ROBO2: variants seen among roughly 807,000 people sequenced by gnomAD.
ROBO2 encodes roundabout guidance receptor 2, also known as roundabout homolog 2.
A neutral mutation model predicts 160.8 loss-of-function variants in ROBO2; 53 were observed. The ratio of observed to expected loss-of-function variants is 0.33; its 90% CI spans 0.26 to 0.41. ROBO2 has a LOEUF of 0.41. Among genes scored for constraint, ROBO2 ranks in the 10% least tolerant of loss-of-function variants. The pLI, the probability that ROBO2 is intolerant of heterozygous loss-of-function variation, is 1.00. For synonymous variants in ROBO2, 664 were observed against 611.7 expected (o/e 1.09, Z -1.26); for missense variants, 1,577 against 1,722.4 (o/e 0.92, Z 1.49).
intron 1 of ROBO2, among the ~76,000 whole-genome samples, chr3:77,042,915 G>T (rs1193634084): frequency 6.6e-6 from 1 of 152,198 alleles, no homozygotes; most frequent in Non-Finnish European, 1.5e-5. Flanking sequence ...AGTTGACACT[G>T]AAAAGGCAAT....
intron 2 of ROBO2, among the ~76,000 whole-genome samples, chr3:77,459,238 T>A (rs183410940): frequency 5.4e-4 from 83 of 152,344 alleles, no homozygotes; most frequent in Admixed American, 4.6e-3. Flanking sequence ...TCCACAGTGA[T>A]ACCTTCAATG....
At chr3:76,492,059 A>G (rs13433982) in intron 2 of ROBO2, among the ~76,000 whole-genome samples, 40,256 of 151,988 alleles carry the variant, frequency 0.26, 6,479 homozygotes, top group African/African-American at 0.44. Context: ...AGAGGTTTCA[A>G]TGAGCTGAGA....
At chr3:76,833,964 T>C (rs1457889536) in intron 2 of ROBO2, among the ~76,000 whole-genome samples, 2 of 151,564 alleles carry the variant, frequency 1.3e-5, no homozygotes, top group Non-Finnish European at 2.9e-5. Context: ...CTTCCTTCCT[T>C]TCTTTCTCTT....
At chr3:76,346,988 A>G (rs958226864) in intron 2 of ROBO2, among the ~76,000 whole-genome samples, 2 of 152,178 alleles carry the variant, frequency 1.3e-5, no homozygotes, top group Non-Finnish European at 1.5e-5. Flanking sequence ...GGTTATGCCT[A>G]CATTGGAGCC....
chr3:76,384,169 T>C (rs1164520791), intron 2 of ROBO2, among the ~76,000 whole-genome samples: 1 of 152,242 alleles, frequency 6.6e-6, no homozygotes, highest in Non-Finnish European at 1.5e-5. Flanking sequence ...GTTGCACTGA[T>C]ACATTTTTTC....
At chr3:77,455,544 A>G (rs1489955726) in intron 2 of ROBO2, among the ~76,000 whole-genome samples, 2 of 152,004 alleles carry the variant, frequency 1.3e-5, no homozygotes, top group African/African-American at 4.8e-5. Flanking sequence ...CTATTCACCC[A>G]CCACACCCTC....
intron 2 of ROBO2, among the ~76,000 whole-genome samples, chr3:76,583,575 G>A (rs546614299): frequency 1.3e-5 from 2 of 152,118 alleles, no homozygotes; most frequent in African/African-American, 4.8e-5. Flanking sequence ...CAGCTCAGTC[G>A]TCCTGCCAGT....
chr3:77,556,480 A>C (rs2153657610), intron 8 of ROBO2, among the ~76,000 whole-genome samples: 1 of 151,990 alleles, frequency 6.6e-6, no homozygotes, highest in South Asian at 2.1e-4. Flanking sequence ...CCTGTATCAT[A>C]AATTCTAGCT....
At chr3:77,532,509 T>C (rs1454783378) in intron 6 of ROBO2, among the ~76,000 whole-genome samples, 2 of 151,924 alleles carry the variant, frequency 1.3e-5, no homozygotes, top group Non-Finnish European at 2.9e-5. Flanking sequence ...TCTTTGAATT[T>C]TTTTTCTGTT....
intron 2 of ROBO2, among the ~76,000 whole-genome samples, chr3:77,438,226 T>C (rs1461815830): frequency 6.6e-6 from 1 of 150,734 alleles, no homozygotes; most frequent in East Asian, 2.0e-4. Flanking sequence ...GATAGATAGA[T>C]TGATTGATAG....
intron 2 of ROBO2, among the ~76,000 whole-genome samples, chr3:77,347,802 C>T (rs997445212): frequency 6.6e-6 from 1 of 152,018 alleles, no homozygotes; most frequent in African/African-American, 2.4e-5. Flanking sequence ...TGCCTGGAAG[C>T]TCCTTCTCTC....
chr3:77,507,874 G>T (rs12635281), intron 5 of ROBO2, among the ~76,000 whole-genome samples: 16,428 of 151,934 alleles, frequency 0.11, 1,017 homozygotes, highest in East Asian at 0.17. Context: ...AATAATACCT[G>T]CAATATTTTT....
intron 2 of ROBO2, among the ~76,000 whole-genome samples, chr3:76,391,328 G>A (rs2077140046): frequency 6.6e-6 from 1 of 152,130 alleles, no homozygotes; most frequent in Non-Finnish European, 1.5e-5. Context: ...TTATGAGTGT[G>A]TTATGCAGTA....
intron 2 of ROBO2, among the ~76,000 whole-genome samples, chr3:76,415,743 C>G (rs1327660103): frequency 6.6e-6 from 1 of 152,116 alleles, no homozygotes; most frequent in East Asian, 1.9e-4. Context: ...CTAAGATGAT[C>G]AACCTGTCAT....
At chr3:76,671,242 G>C (rs939751992) in intron 2 of ROBO2, among the ~76,000 whole-genome samples, 1 of 152,068 alleles carries the variant, frequency 6.6e-6, no homozygotes, top group Admixed American at 6.6e-5. Context: ...CATTATATTA[G>C]ACATATATTC....
intron 2 of ROBO2, among the ~76,000 whole-genome samples, chr3:76,186,379 T>G (rs1701764141): frequency 6.6e-6 from 1 of 152,142 alleles, no homozygotes; most frequent in African/African-American, 2.4e-5. Flanking sequence ...AATTCCATAA[T>G]GTACTTGCCC....
chr3:76,633,518 G>A (rs2090148510), intron 2 of ROBO2, among the ~76,000 whole-genome samples: 1 of 152,184 alleles, frequency 6.6e-6, no homozygotes, highest in Non-Finnish European at 1.5e-5. Flanking sequence ...GAAGGAGAAA[G>A]AAGATGAGAA....
intron 2 of ROBO2, among the ~76,000 whole-genome samples, chr3:77,440,822 T>A (rs1389851944): frequency 1.3e-5 from 2 of 152,134 alleles, no homozygotes; most frequent in Non-Finnish European, 2.9e-5. Flanking sequence ...CATTGAGAAT[T>A]GACCTGGTTG....
intron 2 of ROBO2, among the ~76,000 whole-genome samples, chr3:75,988,126 T>C: frequency 6.6e-6 from 1 of 152,210 alleles, no homozygotes; most frequent in East Asian, 1.9e-4. Flanking sequence ...TCTTTAAATG[T>C]TTAGTATAAT....
Sources: allele counts gnomAD v4.1 joint callset (sites outside exome capture counted in the v4.1 genomes callset), GRCh38; gene constraint gnomAD v4.1.1; transcripts MANE v1.5; gene names NCBI Gene and HGNC (gene_info 2026-07-23, HGNC 2026-07-21).